PINX1: variants seen among roughly 807,000 people sequenced by gnomAD.
The protein encoded by PINX1 is PIN2 (TERF1) interacting telomerase inhibitor 1.
A neutral mutation model predicts 25.4 loss-of-function variants in PINX1; 34 were observed. That is an observed-to-expected ratio of 1.34 (90% CI 1.02 to 1.78). The LOEUF is 1.78. PINX1 is among the 40% of genes most tolerant of loss of function. PINX1 has a pLI of 0.00. For synonymous variants in PINX1, 197 were observed against 147.7 expected, an observed-to-expected ratio of 1.33 and a Z score of -2.42; for missense variants, 592 against 404.9, an observed-to-expected ratio of 1.46 and a Z score of -3.97.
intron 4 of PINX1, among the ~76,000 whole-genome samples, chr8:10,828,912 G>A (rs1480840804): frequency 2.0e-5 from 3 of 152,190 alleles, no homozygotes; most frequent in African/African-American, 7.2e-5. Context: ...CAGCTCATCA[G>A]GAGGTGCACT....
At chr8:10,824,940 C>CCA (rs953430378) in intron 5 of PINX1, among the ~76,000 whole-genome samples, 31 of 152,284 alleles carry the variant, frequency 2.0e-4, no homozygotes, top group African/African-American at 7.5e-4. Context: ...GTATTCTGTT[C>CCA]CATAGCACGC....
At chr8:10,837,545 C>A (rs947296466) in intron 1 of PINX1, among the ~76,000 whole-genome samples, 2 of 152,250 alleles carry the variant, frequency 1.3e-5, no homozygotes, top group Non-Finnish European at 2.9e-5. Context: ...CGATCTGGAA[C>A]AGCAGTGTTT....
chr8:10,823,806 C>A (rs545924248), intron 5 of PINX1, among the ~76,000 whole-genome samples: 4 of 152,196 alleles, frequency 2.6e-5, no homozygotes, highest in African/African-American at 9.6e-5. Context: ...CCAGCCTGGG[C>A]AACAGAGTGA....
At position 10,837,547 on chromosome 8, in the gene PINX1, G is replaced by C. The variant is rs138870265; in HGVS notation, c.19+2191C>G. Among the ~76,000 whole-genome samples, 1,109 of 152,348 alleles carry C rather than the reference G, an allele frequency of 7.3e-3. 14 individuals are homozygous for C. The highest frequency in any genetic ancestry group is 0.025 in the African/African-American group (1,041 of 41,584). On this transcript the variant is annotated intron_variant, in intron 1 of 6. Transcript: ENST00000314787. ...GGGACCCTTGACACGATCTGGAACA[G>C]CAGTGTTTACAGCATGGCGCTGGGC...
chr8:10,765,943 CA>C lies in PINX1; in HGVS notation c.472-28del. ...TATGGTGGGCAGAAGAGTTAAAAGG[CA>C]GGTAAGCATCAACTGTTCATCCCTC... On this transcript the variant is annotated intron_variant, in intron 6 of 6. Transcript: ENST00000314787. 2 of 1,605,614 alleles carry C rather than the reference CA, an allele frequency of 1.2e-6. 1 individual carries two copies. Among genetic ancestry groups the C allele is most frequent in the African/African-American group, 2.7e-5 (2 of 74,682 alleles).
At chr8:10,766,432 G>C (rs143609949) in intron 6 of PINX1, among the ~76,000 whole-genome samples, 1 of 152,174 alleles carries the variant, frequency 6.6e-6, no homozygotes, top group African/African-American at 2.4e-5. Context: ...GACAGGAGCC[G>C]CATTCCACCC....
At chr8:10,839,233 T>C (rs1168409757) in intron 1 of PINX1, among the ~76,000 whole-genome samples, 1 of 152,144 alleles carries the variant, frequency 6.6e-6, no homozygotes, top group African/African-American at 2.4e-5. Flanking sequence ...AATTACACAT[T>C]AGCCCTGCAC....
intron 6 of PINX1, among the ~76,000 whole-genome samples, chr8:10,818,833 G>A (rs1351445649): frequency 2.0e-5 from 3 of 152,172 alleles, no homozygotes; most frequent in Admixed American, 6.5e-5. Flanking sequence ...TGAGGACACG[G>A]AGACGACTGA....
chr8:10,810,027 G>C (rs1401057549), intron 6 of PINX1, among the ~76,000 whole-genome samples: 2 of 152,208 alleles, frequency 1.3e-5, no homozygotes, highest in African/African-American at 4.8e-5. Context: ...CACATGGCCA[G>C]ATGGCAGGAG....
In PINX1 at chr8:10,822,452, C is replaced by G. The variant is rs1041207514; in HGVS notation, c.395-2183G>C. 2.6e-5 allele frequency among the ~76,000 whole-genome samples: 4 copies of G among 152,266 alleles called. No homozygotes were observed. In the East Asian group the frequency reaches 7.7e-4, roughly 29 times the overall value. ...TTGGTTCATCTATTAGTCTTCAATGCGTAACATTTCCAGAACCAGTAAGAA... is the reference window on the plus strand; with the variant it reads ...TTGGTTCATCTATTAGTCTTCAATGGGTAACATTTCCAGAACCAGTAAGAA... On this transcript the variant is annotated intron_variant, in intron 5 of 6. Coordinates refer to ENST00000314787, the MANE Select transcript of PINX1 (RefSeq NM_017884.6).
At chr8:10,822,045 A>G (rs536722082) in intron 5 of PINX1, 1 of 152,360 alleles carries the variant, frequency 6.6e-6, no homozygotes, top group Non-Finnish European at 1.5e-5. Context: ...TTCTTGTATC[A>G]GAAATTTTTA....
At chr8:10,832,823 C>T (rs866244470) in intron 3 of PINX1, 69 bp downstream of exon 3, 19 of 861,172 alleles carry the variant, frequency 2.2e-5, no homozygotes, top group Middle Eastern at 2.2e-4. Context: ...ATGAACCAAT[C>T]AACTTTCAGA....
intron 6 of PINX1, among the ~76,000 whole-genome samples, chr8:10,780,767 A>G (rs183155770): frequency 6.6e-6 from 1 of 152,362 alleles, no homozygotes; most frequent in Admixed American, 6.5e-5. Flanking sequence ...TATTATTAAA[A>G]TGTCCACATG....
chr8:10,800,535 T>C (rs1439728777), intron 6 of PINX1, among the ~76,000 whole-genome samples: 1 of 151,712 alleles, frequency 6.6e-6, no homozygotes, highest in African/African-American at 2.4e-5. Context: ...AGTGGCGTGA[T>C]CTCAGCTCAC....
chr8:10,837,341 G>T (rs944352609), intron 1 of PINX1, among the ~76,000 whole-genome samples: 1 of 152,228 alleles, frequency 6.6e-6, no homozygotes, highest in Non-Finnish European at 1.5e-5. Flanking sequence ...GTGACTCCCT[G>T]GGGGAGGGCT....
intron 4 of PINX1, among the ~76,000 whole-genome samples, chr8:10,827,932 C>G (rs1798107818): frequency 7.0e-6 from 1 of 142,488 alleles, no homozygotes; most frequent in Non-Finnish European, 1.5e-5. Context: ...AAAAAAAAAT[C>G]CAACAAACCA....
In PINX1 at chr8:10,766,375, TG is replaced by T. The variant is rs1801046867; in HGVS notation, c.472-460del. On this transcript the variant is annotated intron_variant, in intron 6 of 6. Transcript: ENST00000314787. ...TTATGGGTTACATGGGCCCCTGTGT[TG>T]ATCTAGAAACTTAGACGCCATCTGG... is the stretch of plus-strand genomic sequence containing the variant. Among the ~76,000 whole-genome samples the T allele has an allele frequency of 2.0e-5, 3 of 152,150 alleles. No homozygotes were observed. The South Asian group carries it at 6.2e-4, about 32-fold the overall frequency.
chr8:10,826,174 A>C lies in PINX1; in HGVS notation c.372T>G (p.Val124=), dbSNP rs754862988. 1 of 1,579,300 alleles carries C rather than the reference A, an allele frequency of 6.3e-7. No individual in the cohort carries two copies. The stretch of plus-strand genomic sequence containing the variant: ...TACCTTTTGTGAATTTCATATAGTG[A>C]ACACGGTTTTTGGAGATTTTGGACT... ...EEKSKISKNR[V]HYMKFTKGKD... Residue 124 remains valine (V), a synonymous_variant, in exon 5 of 7, where the codon GTT becomes GTG. Coordinates refer to ENST00000314787, the MANE Select transcript of PINX1 (RefSeq NM_017884.6).
rs561955650 is a variant in PINX1 at position 10,812,126 on chromosome 8, G to C, written c.471+8067C>G. 3.9e-5 allele frequency among the ~76,000 whole-genome samples: 6 copies of C among 152,270 alleles called. No homozygotes were observed. In the East Asian group the frequency reaches 1.2e-3, roughly 29 times the overall value. ...CAGTTGCAGTTACTCTTTAAGTCTTGAATCTGCTAAGACAGATGACTTGCT... is the reference window on the plus strand; with the variant it reads ...CAGTTGCAGTTACTCTTTAAGTCTTCAATCTGCTAAGACAGATGACTTGCT... On this transcript the variant is annotated intron_variant, in intron 6 of 6. Transcript: ENST00000314787.
Sources: allele counts gnomAD v4.1 joint callset (sites outside exome capture counted in the v4.1 genomes callset), GRCh38; gene constraint gnomAD v4.1.1; transcripts MANE v1.5; gene names NCBI Gene and HGNC (gene_info 2026-07-23, HGNC 2026-07-21).